GRM1: variants seen among roughly 807,000 people sequenced by gnomAD.
The protein encoded by GRM1 is glutamate metabotropic receptor 1.
GRM1 carries 33 observed loss-of-function variants against 90.9 expected under a neutral mutation model. The ratio of observed to expected loss-of-function variants is 0.36; its 90% CI spans 0.28 to 0.49. GRM1 has a LOEUF of 0.49. Ranked by LOEUF, GRM1 falls within the 20% of genes least tolerant of loss-of-function variation. The pLI is 0.99. For missense variants in GRM1, 1,190 were observed against 1,534.3 expected, an observed-to-expected ratio of 0.78 and a Z score of 3.75; for synonymous variants, 700 against 613.2, an observed-to-expected ratio of 1.14 and a Z score of -2.09.
intron 5 of GRM1, among the ~76,000 whole-genome samples, chr6:146,363,294 G>A (rs1341514225): frequency 6.6e-6 from 1 of 152,082 alleles, no homozygotes; most frequent in Non-Finnish European, 1.5e-5. Flanking sequence ...TTTGTCATCA[G>A]CAACCTAAGA....
intron 1 of GRM1, among the ~76,000 whole-genome samples, chr6:146,037,600 C>T (rs918015920): frequency 6.6e-6 from 1 of 151,872 alleles, no homozygotes; most frequent in South Asian, 2.1e-4. Flanking sequence ...CTAGGAGATT[C>T]CTCTTCTGAA....
chr6:146,189,654 G>T (rs2114576724), intron 2 of GRM1, among the ~76,000 whole-genome samples: 1 of 152,196 alleles, frequency 6.6e-6, no homozygotes, highest in South Asian at 2.1e-4. Flanking sequence ...GCACTTGATT[G>T]CAGTGTTGTA....
intron 1 of GRM1, among the ~76,000 whole-genome samples, chr6:146,128,411 C>G (rs1022737616): frequency 2.6e-5 from 4 of 152,112 alleles, no homozygotes; most frequent in Non-Finnish European, 4.4e-5. Context: ...ACCAAACACT[C>G]TGAGGTAGGT....
At chr6:146,074,126 G>T (rs930712327) in intron 1 of GRM1, among the ~76,000 whole-genome samples, 2 of 152,004 alleles carry the variant, frequency 1.3e-5, no homozygotes, top group African/African-American at 4.8e-5. Flanking sequence ...GCTTAACATA[G>T]GAGGTCATTA....
rs552047309 is a variant in GRM1, at chr6:146,415,170, C to A, written c.2660+15471C>A. Among the ~76,000 whole-genome samples, 14 of 152,174 alleles carry A rather than the reference C, an allele frequency of 9.2e-5. No homozygotes were observed. The East Asian group carries it at 2.7e-3, about 29-fold the overall frequency. On this transcript the variant is annotated intron_variant, in intron 7 of 7. Transcript: ENST00000282753. ...AGCATGGGCAGGTTCTGGTGAGGGC[C>A]CTCTTCCACCATGCAGACTGTTGTA...
intron 6 of GRM1, among the ~76,000 whole-genome samples, chr6:146,395,382 TTTCTTCATC>T (rs1776890833): frequency 6.6e-6 from 1 of 150,930 alleles, no homozygotes; most frequent in African/African-American, 2.5e-5. Flanking sequence ...CCTAAAGTTT[TTTCTTCATC>T]TTTATTTAGT....
intron 5 of GRM1, among the ~76,000 whole-genome samples, chr6:146,362,457 A>G (rs1775514499): frequency 6.6e-6 from 1 of 152,106 alleles, no homozygotes; most frequent in Non-Finnish European, 1.5e-5. Flanking sequence ...AGACAGGCAG[A>G]TCACGAGGTC....
intron 2 of GRM1, among the ~76,000 whole-genome samples, chr6:146,211,882 C>T (rs1336940760): frequency 6.6e-6 from 1 of 152,082 alleles, no homozygotes; most frequent in African/African-American, 2.4e-5. Context: ...CAGGGCTCAA[C>T]CAGAGAAAGA....
chr6:146,219,381 A>G (rs118139761), intron 2 of GRM1, among the ~76,000 whole-genome samples: 2,302 of 152,248 alleles, frequency 0.015, 36 homozygotes, highest in South Asian at 0.045. Flanking sequence ...ACTTATGCCT[A>G]GGTTTCATGT....
At chr6:146,279,753 A>G (rs879814722) in intron 2 of GRM1, among the ~76,000 whole-genome samples, 2 of 152,130 alleles carry the variant, frequency 1.3e-5, no homozygotes, top group Non-Finnish European at 2.9e-5. Context: ...TTTTTTTGCC[A>G]TCATTTAAAA....
chr6:146,250,648 C>T (rs978696761), intron 2 of GRM1, among the ~76,000 whole-genome samples: 2 of 152,176 alleles, frequency 1.3e-5, no homozygotes, highest in African/African-American at 4.8e-5. Flanking sequence ...ATACTACCTA[C>T]TCAGGATACT....
chr6:146,414,592 C>A (rs1158852215), intron 7 of GRM1, among the ~76,000 whole-genome samples: 5 of 151,902 alleles, frequency 3.3e-5, no homozygotes, highest in Non-Finnish European at 7.4e-5. Context: ...TTAGTAGAGA[C>A]GGGGTTTCAC....
chr6:146,203,218 A>C (rs1779380258), intron 2 of GRM1, among the ~76,000 whole-genome samples: 1 of 151,312 alleles, frequency 6.6e-6, no homozygotes, highest in Admixed American at 6.6e-5. Context: ...TAAATAAATA[A>C]ATAAATAAAT....
rs149373888 is a variant in GRM1, at chr6:146,169,207, G to A, written c.950+9610G>A. Reference sequence around the variant, plus strand: ...TTTGTTTTGCAACATCTAATCTGCCGTTAATCCCATCATGTAATTTTAAAA... The same window carrying A: ...TTTGTTTTGCAACATCTAATCTGCCATTAATCCCATCATGTAATTTTAAAA... On this transcript the variant is annotated intron_variant, in intron 2 of 7. Coordinates refer to ENST00000282753, the MANE Select transcript of GRM1 (RefSeq NM_001278064.2). Among the ~76,000 whole-genome samples the A allele has an allele frequency of 2.8e-3, 430 of 151,960 alleles. 3 individuals carry two copies. Among genetic ancestry groups the A allele is most frequent in the African/African-American group, 9.5e-3 (394 of 41,444 alleles).
chr6:146,363,650 C>T (rs1775575445), intron 5 of GRM1, among the ~76,000 whole-genome samples: 1 of 152,092 alleles, frequency 6.6e-6, no homozygotes, highest in Admixed American at 6.5e-5. Context: ...TGTAATCAGT[C>T]CTTCCTGTTG....
chr6:146,302,539 TTTTATTTATTTA>T (rs370040664), intron 2 of GRM1, among the ~76,000 whole-genome samples: 2 of 150,282 alleles, frequency 1.3e-5, no homozygotes, highest in South Asian at 2.1e-4. Flanking sequence ...ATCCAGATAA[TTTTATTTATTTA>T]TTTATTTATT....
intron 1 of GRM1, among the ~76,000 whole-genome samples, chr6:146,043,782 G>GAGATATATATAT (rs771296715): frequency 2.2e-5 from 2 of 89,984 alleles, no homozygotes; most frequent in East Asian, 5.5e-4. Context: ...AGAGTCAGGT[G>GAGATATATATAT]ATATATATAT....
At chr6:146,158,744 A>T (rs1354865867) in intron 1 of GRM1, among the ~76,000 whole-genome samples, 1 of 152,192 alleles carries the variant, frequency 6.6e-6, no homozygotes, top group Non-Finnish European at 1.5e-5. Context: ...GAATGCTATA[A>T]AACAAAAATC....
Position 146,248,273 on chromosome 6 carries a change from G to A in GRM1, c.951-56338G>A, listed in dbSNP as rs140729820. 3.9e-5 allele frequency among the ~76,000 whole-genome samples: 6 copies of A among 152,308 alleles called. No individual in the cohort carries two copies. In the East Asian group the frequency reaches 1.2e-3, roughly 29 times the overall value. Reference sequence around the variant, plus strand: ...GAGTTACAAAGATACAAGAAAAGCTGTATAAATTACTGTCAAGATAGGTGG... The same window carrying A: ...GAGTTACAAAGATACAAGAAAAGCTATATAAATTACTGTCAAGATAGGTGG... On this transcript the variant is annotated intron_variant, in intron 2 of 7. Coordinates refer to ENST00000282753, the MANE Select transcript of GRM1 (RefSeq NM_001278064.2).
Sources: gnomAD v4.1 joint callset for allele counts (sites outside exome capture counted in the v4.1 genomes callset) on GRCh38, gnomAD v4.1.1 for gene constraint, MANE v1.5 for transcripts, NCBI Gene and HGNC (gene_info 2026-07-23, HGNC 2026-07-21) for gene names.